Variants in KCNIP1 observed in about 807,000 individuals in gnomAD.
The protein encoded by KCNIP1 is A-type potassium channel modulatory protein KCNIP1.
KCNIP1 carries 18 observed loss-of-function variants against 33.0 expected under a neutral mutation model. The ratio of observed to expected loss-of-function variants is 0.55; its 90% CI spans 0.38 to 0.81. KCNIP1 has a LOEUF of 0.81. Among genes scored for constraint, KCNIP1 ranks in the 30% least tolerant of loss-of-function variants. The probability of loss-of-function intolerance (pLI) is 0.00; values close to 1 mark genes in which losing one functional copy is unlikely to be tolerated. For missense variants in KCNIP1, 238 were observed against 271.6 expected (o/e 0.88, Z 0.87); for synonymous variants, 93 against 98.3 (o/e 0.95, Z 0.32).
chr5:170,490,808 C>T (rs958396457), intron 1 of KCNIP1, among the ~76,000 whole-genome samples: 4 of 152,224 alleles, frequency 2.6e-5, no homozygotes, highest in African/African-American at 9.7e-5. Flanking sequence ...CTAGGCCCAG[C>T]CCCATCCCCT....
intron 1 of KCNIP1, chr5:170,376,731 A>T (rs1041037616): frequency 6.6e-6 from 1 of 152,228 alleles, no homozygotes; most frequent in Admixed American, 6.5e-5. Flanking sequence ...ATAATATTCC[A>T]TGACGTATAC....
intron 1 of KCNIP1, among the ~76,000 whole-genome samples, chr5:170,640,174 G>C (rs1417344613): frequency 6.6e-6 from 1 of 152,224 alleles, no homozygotes; most frequent in Non-Finnish European, 1.5e-5. Context: ...AGGTCCAACG[G>C]TGACTCCCAA....
intron 1 of KCNIP1, among the ~76,000 whole-genome samples, chr5:170,466,964 T>A (rs1756621100): frequency 6.6e-6 from 1 of 152,182 alleles, no homozygotes; most frequent in Non-Finnish European, 1.5e-5. Flanking sequence ...GGGAGTACAA[T>A]GTCTCAAATA....
intron 1 of KCNIP1, among the ~76,000 whole-genome samples, chr5:170,587,103 T>C (rs1236109447): frequency 6.6e-6 from 1 of 152,110 alleles, no homozygotes; most frequent in Non-Finnish European, 1.5e-5. Flanking sequence ...CTGTAACAAA[T>C]TATCACAAAT....
At chr5:170,669,997 G>A (rs1183018894) in intron 1 of KCNIP1, among the ~76,000 whole-genome samples, 1 of 152,184 alleles carries the variant, frequency 6.6e-6, no homozygotes, top group Non-Finnish European at 1.5e-5. Context: ...CAGGAGAGAA[G>A]AATGCAGGGT....
At chr5:170,370,456 C>T (rs1581117708) in intron 1 of KCNIP1, among the ~76,000 whole-genome samples, 5 of 152,294 alleles carry the variant, frequency 3.3e-5, no homozygotes, top group Middle Eastern at 3.4e-3. Flanking sequence ...GCTTTTCTCC[C>T]TGCAGGCTCC....
rs1358575200 is a variant in KCNIP1, at chr5:170,582,764, G to A, written c.61+78131G>A. Among the ~76,000 whole-genome samples, 3 of 152,268 alleles carry A rather than the reference G, an allele frequency of 2.0e-5. No homozygotes were observed. In the East Asian group the frequency reaches 5.8e-4, roughly 29 times the overall value. The stretch of plus-strand genomic sequence containing the variant: ...GTCCTTCTTCATGGAGTTTCCCAAA[G>A]TACACACCCACAGTCCTACAAATTG... On this transcript the variant is annotated intron_variant, in intron 1 of 7. Coordinates refer to ENST00000328939, the MANE Select transcript of KCNIP1 (RefSeq NM_014592.4).
At chr5:170,523,777 T>G (rs957636049) in intron 1 of KCNIP1, among the ~76,000 whole-genome samples, 1 of 152,110 alleles carries the variant, frequency 6.6e-6, no homozygotes, top group Non-Finnish European at 1.5e-5. Flanking sequence ...ACGTGTCTCC[T>G]CCAGCCCATT....
chr5:170,703,666 G>T (rs2113840683), intron 1 of KCNIP1, among the ~76,000 whole-genome samples: 1 of 137,516 alleles, frequency 7.3e-6, no homozygotes. Flanking sequence ...CCTGTGGGCT[G>T]CCAGATTGTG....
At chr5:170,383,834 A>G in intron 1 of KCNIP1, 1 of 1,613,926 alleles carries the variant, frequency 6.2e-7, no homozygotes. Flanking sequence ...TGGCACTTGG[A>G]TTCCTGGGTC....
chr5:170,418,090 CA>C, intron 1 of KCNIP1, among the ~76,000 whole-genome samples: 1 of 152,308 alleles, frequency 6.6e-6, no homozygotes, highest in African/African-American at 2.4e-5. Context: ...TACATCTCAT[CA>C]GTGCCCAAAA....
intron 1 of KCNIP1, among the ~76,000 whole-genome samples, chr5:170,656,529 C>G (rs879576997): frequency 1.3e-5 from 2 of 152,202 alleles, no homozygotes; most frequent in Admixed American, 1.3e-4. Context: ...CAGTCCCCAA[C>G]TCAACAGGAG....
At chr5:170,357,138 A>T (rs1453348932) in intron 1 of KCNIP1, among the ~76,000 whole-genome samples, 1 of 151,942 alleles carries the variant, frequency 6.6e-6, no homozygotes, top group Non-Finnish European at 1.5e-5. Flanking sequence ...GCATTAAAAA[A>T]AAAAAAAATT....
chr5:170,393,176 G>A (rs958470284), intron 1 of KCNIP1, among the ~76,000 whole-genome samples: 2 of 152,188 alleles, frequency 1.3e-5, no homozygotes, highest in Non-Finnish European at 2.9e-5. Context: ...TCCCTTGGGA[G>A]CAGTTTTCAA....
At chr5:170,503,700 C>T (rs1414094652), upstream of KCNIP1, among the ~76,000 whole-genome samples, 2 of 148,596 alleles carry the variant, frequency 1.3e-5, no homozygotes, top group East Asian at 4.0e-4. Flanking sequence ...GGGACACACA[C>T]ACACACACAC....
At chr5:170,505,676 T>G (rs1461488621) in intron 1 of KCNIP1, among the ~76,000 whole-genome samples, 1 of 152,128 alleles carries the variant, frequency 6.6e-6, no homozygotes, top group Non-Finnish European at 1.5e-5. Flanking sequence ...TAGAACTTGG[T>G]TGGTCTCACC....
chr5:170,724,894 A>G (rs1763955942), intron 5 of KCNIP1, among the ~76,000 whole-genome samples: 1 of 152,228 alleles, frequency 6.6e-6, no homozygotes. Flanking sequence ...GGATTCTCCA[A>G]ATTTGATTTA....
intron 1 of KCNIP1, among the ~76,000 whole-genome samples, chr5:170,370,079 C>T (rs550136912): frequency 6.6e-6 from 1 of 152,066 alleles, no homozygotes; most frequent in African/African-American, 2.4e-5. Flanking sequence ...CAGGGTACCC[C>T]TAGAAATGAA....
At chr5:170,429,389 GTA>G (rs34186221) in intron 1 of KCNIP1, among the ~76,000 whole-genome samples, 72,811 of 150,730 alleles carry the variant, frequency 0.48, 17,684 homozygotes, top group Middle Eastern at 0.57. Flanking sequence ...ACATATATAT[GTA>G]TATATATATA....
Sources: allele counts gnomAD v4.1 joint callset (sites outside exome capture counted in the v4.1 genomes callset), GRCh38; gene constraint gnomAD v4.1.1; transcripts MANE v1.5; gene names NCBI Gene and HGNC (gene_info 2026-07-23, HGNC 2026-07-21).